OR2L5: variants seen among roughly 807,000 people sequenced by gnomAD.
OR2L5 encodes the protein olfactory receptor 2L5.
For synonymous variants in OR2L5, 169 were observed against 142.0 expected (o/e 1.19, Z -1.35); for missense variants, 413 against 381.6 (o/e 1.08, Z -0.69).
chr1:248,022,302 T>A lies in OR2L5; in HGVS notation c.355T>A (p.Tyr119Asn). The change falls in exon 2 of 2, where the codon TAT becomes AAT. Residue 119 changes from tyrosine to asparagine, a missense_variant. Tyr to Asn is a moderately radical substitution (Grantham distance 143, BLOSUM62 -2). Transcript: ENST00000355281. ...AGCGCTGCTCCTGACATCAATGGCC[T>A]ATGATCGTTATGTGGCCATTTGCTT... The part of the protein sequence containing the change: ...AEALLLTSMA[Y>N]DRYVAICFPL... The A allele has an allele frequency of 5.6e-6, 9 of 1,614,142 alleles. No homozygotes were observed. The highest frequency in any genetic ancestry group is 7.6e-6 in the Non-Finnish European group (9 of 1,179,972).
At chr1:248,019,487 C>A (rs1399241895) in intron 1 of OR2L5, among the ~76,000 whole-genome samples, 1 of 152,126 alleles carries the variant, frequency 6.6e-6, no homozygotes, top group Non-Finnish European at 1.5e-5. Context: ...ACTGACTATA[C>A]TTTTATGGTT....
intron 1 of OR2L5, among the ~76,000 whole-genome samples, chr1:248,016,654 C>T (rs986033009): frequency 1.3e-5 from 2 of 151,872 alleles, no homozygotes; most frequent in African/African-American, 2.4e-5. Context: ...TTCAGATGTA[C>T]TGCCTAAAAA....
chr1:248,021,933 T>G lies in OR2L5; in HGVS notation c.-15T>G. 6.3e-7 allele frequency: 1 copy of G among 1,596,832 alleles called. No homozygotes were observed. Among genetic ancestry groups the G allele is most frequent in the East Asian group, 2.2e-5 (1 of 44,804 alleles). On this transcript the variant is annotated 5_prime_UTR_variant, in exon 2 of 2. Coordinates refer to ENST00000355281, the MANE Select transcript of OR2L5 (RefSeq NM_001258284.2). ...CCCTTGTGTCTCCCTTCAGGAAGGA[T>G]CGTATGAATGCCCCATGGAAAATTA...
chr1:248,022,234 G>C lies in OR2L5; in HGVS notation c.287G>C (p.Cys96Ser), dbSNP rs765537681. Residue 96 changes from cysteine to serine, a missense_variant, in exon 2 of 2, where the codon TGT (cysteine) becomes TCT (serine). Transcript: ENST00000355281. ...AACAAGTCTATCTCCTTCATTGGGT[G>C]TGGGATTCAGAGTTTCTTCTTCATG... Reference protein sequence around the residue: ...YGNKSISFIGCGIQSFFFMTF... With the variant: ...YGNKSISFIGSGIQSFFFMTF... 1 of 1,614,178 alleles carries C rather than the reference G, an allele frequency of 6.2e-7. No individual in the cohort carries two copies.
At position 248,023,141 on chromosome 1, in the gene OR2L5, G is replaced by T; in HGVS notation, c.*255G>T. The T allele has an allele frequency of 3.3e-6, 1 of 299,364 alleles. No individual in the cohort carries two copies. Among genetic ancestry groups the T allele is most frequent in the Non-Finnish European group, 6.2e-6 (1 of 161,592 alleles). The allele number at this position is 299,364 out of a possible 1,614,324, so 18.5% of individuals were successfully genotyped here. On this transcript the variant is annotated 3_prime_UTR_variant, in exon 2 of 2. Transcript: ENST00000355281. ...TAAGGCCATAGAATTTCATTATCAT[G>T]TATAAATCAAAACAATAAATGTCCA...
chr1:248,023,191 T>C lies in OR2L5; in HGVS notation c.*305T>C. ...AAAGGAATCATATCATTCAGCATAA[T>C]AGTTATATGTTAATTGTTTCCCATT... is the stretch of plus-strand genomic sequence containing the variant. On this transcript the variant is annotated 3_prime_UTR_variant, in exon 2 of 2. Coordinates refer to ENST00000355281, the MANE Select transcript of OR2L5 (RefSeq NM_001258284.2). The C allele has an allele frequency of 5.3e-6, 1 of 189,006 alleles. No individual in the cohort carries two copies. Among genetic ancestry groups the C allele is most frequent in the Non-Finnish European group, 1.1e-5 (1 of 90,584 alleles). The allele number at this position is 189,006 out of a possible 1,614,324, so 11.7% of individuals were successfully genotyped here. A position where few individuals can be genotyped will look rare whatever the true frequency, so the allele number is the denominator to read the frequency against.
In OR2L5 at chr1:248,022,617, G is replaced by C; in HGVS notation, c.670G>C (p.Val224Leu). 2 of 1,614,062 alleles carry C rather than the reference G, an allele frequency of 1.2e-6. No individual in the cohort carries two copies. Among genetic ancestry groups the C allele is most frequent in the Non-Finnish European group, 8.5e-7 (1 of 1,180,008 alleles). Residue 224 changes from valine (V) to leucine (L), a missense_variant, in exon 2 of 2, where the codon GTC becomes CTC. Val to Leu is a conservative substitution (Grantham distance 32, BLOSUM62 1). Transcript: ENST00000355281. The stretch of plus-strand genomic sequence containing the variant: ...TTCCTATGGCTGGGTTCTCCTTGCT[G>C]TCTACCGCATGCACTCTGCAGAAGG... ...ACSYGWVLLA[V>L]YRMHSAEGRK...
At chr1:248,020,239 G>T (rs1282905710) in intron 1 of OR2L5, among the ~76,000 whole-genome samples, 1 of 152,130 alleles carries the variant, frequency 6.6e-6, no homozygotes, top group Non-Finnish European at 1.5e-5. Context: ...AGTCAGACAA[G>T]AGAAAGAAAT....
intron 1 of OR2L5, among the ~76,000 whole-genome samples, chr1:248,017,674 T>C (rs949589279): frequency 6.6e-6 from 1 of 152,130 alleles, no homozygotes; most frequent in Admixed American, 6.5e-5. Flanking sequence ...GTCCAGTGAT[T>C]TTCTTCTGAT....
intron 1 of OR2L5, among the ~76,000 whole-genome samples, chr1:248,016,787 A>G (rs546102024): frequency 6.6e-6 from 1 of 151,988 alleles, no homozygotes; most frequent in East Asian, 1.9e-4. Flanking sequence ...AAACTTATGT[A>G]TGTATGTGTG....
At chr1:248,017,559 A>AC in intron 1 of OR2L5, among the ~76,000 whole-genome samples, 1 of 152,334 alleles carries the variant, frequency 6.6e-6, no homozygotes, top group South Asian at 2.1e-4. Flanking sequence ...GGGAAGCAGG[A>AC]CAGGCTTCTG....
Position 248,022,629 on chromosome 1 carries a change from C to G in OR2L5, c.682C>G (p.His228Asp), listed in dbSNP as rs1662370238. 1.2e-6 allele frequency: 2 copies of G among 1,613,994 alleles called. No homozygotes were observed. The highest frequency in any genetic ancestry group is 1.1e-5 in the South Asian group (1 of 91,088). The change falls in exon 2 of 2, where the codon CAC (histidine) becomes GAC (aspartate). Residue 228 changes from histidine (H) to aspartate (D), a missense_variant. Physicochemically the swap from His to Asp is moderately conservative, Grantham distance 81. Transcript: ENST00000355281. ...GGTTCTCCTTGCTGTCTACCGCATG[C>G]ACTCTGCAGAAGGGAGGAAAAAGGC... is the stretch of plus-strand genomic sequence containing the variant. ...GWVLLAVYRM[H>D]SAEGRKKAYS...
Position 248,022,075 on chromosome 1 carries a change from CCATGATT to C in OR2L5, c.130_136del (p.Met44PhefsTer25), listed in dbSNP as rs1373341681. On this transcript the variant is annotated frameshift_variant, in exon 2 of 2. Transcript: ENST00000355281. LOFTEE classifies it low-confidence loss of function (END_TRUNC). ...CTAATGGCTCTAATTGGAAACCTAT[CCATGATT>C]CTTCTCATCTTCTTGGACACCCATC... 3.1e-6 allele frequency: 5 copies of C among 1,613,838 alleles called. No individual in the cohort carries two copies. In the Admixed American group the frequency reaches 8.3e-5, roughly 27 times the overall value.
intron 1 of OR2L5, 141 bp downstream of exon 1, chr1:248,013,879 G>A (rs1572671376): frequency 6.6e-6 from 1 of 152,122 alleles, no homozygotes; most frequent in East Asian, 1.9e-4. Flanking sequence ...AGAAAATTCA[G>A]CAGAAATTTT....
intron 1 of OR2L5, among the ~76,000 whole-genome samples, chr1:248,018,582 A>G (rs945099069): frequency 2.0e-5 from 3 of 152,204 alleles, no homozygotes; most frequent in Non-Finnish European, 4.4e-5. Flanking sequence ...TTTTCTTAAA[A>G]TGTATTTGGA....
rs1662363278 is a variant in OR2L5 at position 248,022,422 on chromosome 1, A to G, written c.475A>G (p.Thr159Ala). The change falls in exon 2 of 2, where the codon ACA (threonine) becomes GCA (alanine). Residue 159 changes from threonine to alanine, a missense_variant. Transcript: ENST00000355281. ...AGGCTCCATCAACTCTTGTGCTCACACAGTATATGCATTCCGTATCCCATA... is the reference window on the plus strand; with the variant it reads ...AGGCTCCATCAACTCTTGTGCTCACGCAGTATATGCATTCCGTATCCCATA... ...MIGSINSCAH[T>A]VYAFRIPYCK... 1 of 1,614,112 alleles carries G rather than the reference A, an allele frequency of 6.2e-7. No individual in the cohort carries two copies. The highest frequency in any genetic ancestry group is 8.5e-7 in the Non-Finnish European group (1 of 1,180,054).
intron 1 of OR2L5, among the ~76,000 whole-genome samples, chr1:248,019,017 C>A (rs115579502): frequency 6.6e-6 from 1 of 152,024 alleles, no homozygotes; most frequent in Admixed American, 6.6e-5. Context: ...TGTATGTACT[C>A]ACTACATTTT....
intron 1 of OR2L5, among the ~76,000 whole-genome samples, chr1:248,014,887 C>T (rs965149940): frequency 2.6e-5 from 4 of 152,086 alleles, no homozygotes; most frequent in Non-Finnish European, 4.4e-5. Context: ...GGTATTAAAC[C>T]GAGTCTCTTT....
At chr1:248,020,034 C>T (rs985728724) in intron 1 of OR2L5, among the ~76,000 whole-genome samples, 4 of 152,174 alleles carry the variant, frequency 2.6e-5, no homozygotes, top group African/African-American at 9.7e-5. Flanking sequence ...CTGCCTGCCT[C>T]AGGCTCCCAG....
Sources: gnomAD v4.1 joint callset for allele counts (sites outside exome capture counted in the v4.1 genomes callset) on GRCh38, gnomAD v4.1.1 for gene constraint, MANE v1.5 for transcripts, NCBI Gene and HGNC (gene_info 2026-07-23, HGNC 2026-07-21) for gene names.